The following GHRHR variants were observed in gnomAD, a reference collection of about 807,000 sequenced individuals.
GHRHR encodes the protein growth hormone releasing hormone receptor.
In GHRHR, 40 loss-of-function variants were observed where a neutral mutation model predicts 58.3. The ratio of observed to expected loss-of-function variants is 0.69; its 90% CI spans 0.53 to 0.89. The LOEUF is 0.89. GHRHR is among the 40% of genes least tolerant of loss of function. The pLI is 0.00. For synonymous variants in GHRHR, 249 were observed against 216.6 expected, an observed-to-expected ratio of 1.15 and a Z score of -1.31; for missense variants, 551 against 541.3, an observed-to-expected ratio of 1.02 and a Z score of -0.18.
At chr7:30,966,799 C>T (rs1792366218) in intron 1 of GHRHR, among the ~76,000 whole-genome samples, 1 of 152,188 alleles carries the variant, frequency 6.6e-6, no homozygotes, top group South Asian at 2.1e-4. Context: ...CGTGTCATCA[C>T]ACCCAGCTAA....
rs144372265 is a variant in GHRHR, at chr7:30,969,870, C to A, written c.272C>A (p.Ala91Asp). 6.2e-7 allele frequency: 1 copy of A among 1,613,514 alleles called. No individual in the cohort carries two copies. Among genetic ancestry groups the A allele is most frequent in the Non-Finnish European group, 8.5e-7 (1 of 1,179,424 alleles). The change falls in exon 4 of 13, where the codon GCT becomes GAT. Residue 91 changes from alanine to aspartate, a missense_variant. Ala to Asp is a moderately radical substitution (Grantham distance 126, BLOSUM62 -2). Transcript: ENST00000326139. The stretch of plus-strand genomic sequence containing the variant: ...GAGAGTCTTGCTTGCCTCCCAGGGG[C>A]TGTGAAACGGGATTGTACTATCACT... ...FFSHFSSESG[A>D]VKRDCTITGW...
intron 4 of GHRHR, 27 bp from the exon 5 acceptor site, chr7:30,971,092 A>C (rs1792472144): frequency 1.0e-6 from 1 of 1,004,312 alleles, no homozygotes; most frequent in South Asian, 1.4e-5. Context: ...AGAAGCTGAG[A>C]CTTTCTTCTG....
At chr7:30,972,180 C>T (rs1226613030) in intron 6 of GHRHR, 85 bp downstream of exon 6, 10 of 1,496,572 alleles carry the variant, frequency 6.7e-6, no homozygotes, top group Non-Finnish European at 6.4e-6. Flanking sequence ...GTCAGGCTTC[C>T]CTGCCCTGTG....
Position 30,969,122 on chromosome 7 carries a change from G to T in GHRHR, c.220G>T (p.Val74Phe), listed in dbSNP as rs1792426354. The T allele has an allele frequency of 6.3e-7, 1 of 1,578,650 alleles. No homozygotes were observed. Among genetic ancestry groups the T allele is most frequent in the South Asian group, 1.2e-5 (1 of 86,214 alleles). The change falls in exon 3 of 13, where the codon GTC becomes TTC. Residue 74 changes from valine to phenylalanine, a missense_variant. Coordinates refer to ENST00000326139, the MANE Select transcript of GHRHR (RefSeq NM_000823.4). ...CWPTAGSGEW[V>F]TLPCPDFFSH... ...GCCAACGGCAGGCTCTGGCGAGTGG[G>T]TCACCCTCCCCTGCCCGGATTTCTT...
chr7:30,979,210 G>A lies in GHRHR; in HGVS notation c.1238G>A (p.Arg413His), dbSNP rs781659959. The change falls in exon 13 of 13, where the codon CGC (arginine) becomes CAC (histidine). Residue 413 changes from arginine to histidine, a missense_variant. Arg to His is a conservative substitution (Grantham distance 29). Transcript: ENST00000326139. ...RTRAKWTTPS[R>H]SAAKVLTSMC ...CGTGCTAAGTGGACCACGCCTTCCC[G>A]CTCGGCGGCAAAGGTGCTGACATCT... The A allele has an allele frequency of 1.5e-5, 24 of 1,613,868 alleles. No homozygotes were observed. In the East Asian group the frequency reaches 1.8e-4, roughly 12 times the overall value.
At chr7:30,979,033 G>A in intron 12 of GHRHR, 86 bp from the exon 13 acceptor site, 2 of 1,278,712 alleles carry the variant, frequency 1.6e-6, no homozygotes, top group South Asian at 2.4e-5. Context: ...CTCTTACACG[G>A]CCTCTCCCTG....
chr7:30,974,483 A>G lies in GHRHR; in HGVS notation c.806A>G (p.Asp269Gly). 6.2e-7 allele frequency: 1 copy of G among 1,611,082 alleles called. No homozygotes were observed. Among genetic ancestry groups the G allele is most frequent in the African/African-American group, 1.3e-5 (1 of 74,958 alleles). ...TWVSCKLAFE[D>G]IACWDLDDTS... ...GTGAGCTGCAAACTGGCCTTCGAGG[A>G]CATCGCGTGAGTCGGAGCGGCCACC... Residue 269 changes from aspartate (D) to glycine (G), a missense_variant, in exon 8 of 13, where the codon GAC (aspartate) becomes GGC (glycine). Transcript: ENST00000326139.
chr7:30,979,264 G>A lies in GHRHR; in HGVS notation c.*20G>A. The A allele has an allele frequency of 1.2e-6, 2 of 1,612,384 alleles. No individual in the cohort carries two copies. The highest frequency in any genetic ancestry group is 1.3e-5 in the African/African-American group (1 of 75,046). ...TGCTAGGCTGCCTCATCACGCCACT[G>A]GAGTCCACACTTGAATTTGGGCAGC... On this transcript the variant is annotated 3_prime_UTR_variant, in exon 13 of 13. Coordinates refer to ENST00000326139, the MANE Select transcript of GHRHR (RefSeq NM_000823.4).
chr7:30,969,205 G>A, intron 3 of GHRHR, 35 bp downstream of exon 3: 2 of 1,369,794 alleles, frequency 1.5e-6, no homozygotes, highest in Non-Finnish European at 2.0e-6. Flanking sequence ...GGGAAAGGGA[G>A]GTGCTTTCAT....
At chr7:30,977,487 C>T (rs758930349) in intron 12 of GHRHR, among the ~76,000 whole-genome samples, 165 bp downstream of exon 12, 1 of 152,176 alleles carries the variant, frequency 6.6e-6, no homozygotes, top group African/African-American at 2.4e-5. Flanking sequence ...CAAGCTGAAC[C>T]GGAATGTTTC....
intron 10 of GHRHR, 37 bp from the exon 11 acceptor site, chr7:30,976,392 C>A (rs1346690117): frequency 8.7e-6 from 14 of 1,603,412 alleles, no homozygotes; most frequent in African/African-American, 5.4e-5. Context: ...AGTTTCTAAT[C>A]CCAGTCTTGG....
chr7:30,975,847 TC>T lies in GHRHR; in HGVS notation c.955del (p.His319IlefsTer16). 1 of 1,603,236 alleles carries T rather than the reference TC, an allele frequency of 6.2e-7. No homozygotes were observed. Among genetic ancestry groups the T allele is most frequent in the South Asian group, 1.1e-5 (1 of 90,860 alleles). ...VRKLEPAQGS[L>X]HTQSQYWRLS... is the part of the protein sequence containing the mutation. ...AAACTGGAGCCAGCTCAGGGCAGCCTCCATACCCAGTCTCAGTATTGGTACT... is the reference window on the plus strand; with the variant it reads ...AAACTGGAGCCAGCTCAGGGCAGCCTCATACCCAGTCTCAGTATTGGTACT... On this transcript the variant is annotated frameshift_variant, in exon 10 of 13. Transcript: ENST00000326139. LOFTEE classifies it high-confidence loss of function.
In GHRHR at chr7:30,969,938, G is replaced by C. The variant is rs200504469; in HGVS notation, c.340G>C (p.Val114Leu). The C allele has an allele frequency of 4.2e-6, 6 of 1,437,486 alleles. No individual in the cohort carries two copies. The Admixed American group carries it at 5.0e-5, about 12-fold the overall frequency. 89.0% of individuals were successfully genotyped at this position (1,437,486 alleles called of 1,614,324 possible). A position where few individuals can be genotyped will look rare whatever the true frequency, so the allele number is the denominator to read the frequency against. Residue 114 changes from valine to leucine, a missense_variant, in exon 4 of 13, where the codon GTG (valine) becomes CTG (leucine). Coordinates refer to ENST00000326139, the MANE Select transcript of GHRHR (RefSeq NM_000823.4). ...PFPPYPVACP[V>L]PLELLAEEES... ...TCCACCTTACCCTGTGGCCTGCCCTGTGCCTCTGGAGCTGCTGGCTGAGGA... is the reference window on the plus strand; with the variant it reads ...TCCACCTTACCCTGTGGCCTGCCCTCTGCCTCTGGAGCTGCTGGCTGAGGA...
At position 30,964,011 on chromosome 7, in the gene GHRHR, G is replaced by A; in HGVS notation, c.-58G>A. 12 of 1,458,556 alleles carry A rather than the reference G, an allele frequency of 8.2e-6. No individual in the cohort carries two copies. The highest frequency in any genetic ancestry group is 1.1e-5 in the Non-Finnish European group (12 of 1,063,668). 90.4% of individuals were successfully genotyped at this position (1,458,556 alleles called of 1,614,324 possible). A position where few individuals can be genotyped will look rare whatever the true frequency, so the allele number is the denominator to read the frequency against. Reference sequence around the variant, plus strand: ...ACGGCTGTGTCAGGGGACAGCAGGGGAAGGAAGATAGCCAAGGCTTACTGA... The same window carrying A: ...ACGGCTGTGTCAGGGGACAGCAGGGAAAGGAAGATAGCCAAGGCTTACTGA... On this transcript the variant is annotated 5_prime_UTR_variant, in exon 1 of 13. Coordinates refer to ENST00000326139, the MANE Select transcript of GHRHR (RefSeq NM_000823.4).
intron 6 of GHRHR, among the ~76,000 whole-genome samples, chr7:30,972,329 C>A (rs551908229): frequency 2.0e-5 from 3 of 152,198 alleles, no homozygotes; most frequent in Non-Finnish European, 4.4e-5. Context: ...CTCTACTCCG[C>A]GTTCTGTAGT....
chr7:30,976,428 G>A lies in GHRHR; in HGVS notation c.975-1G>A, dbSNP rs1792585304. On this transcript the variant is annotated splice_acceptor_variant, in intron 10 of 12. Transcript: ENST00000326139. LOFTEE classifies it high-confidence loss of function. Reference sequence around the variant, plus strand: ...GAGCCTAGGATTTGTCTTTCCTGCAGGCGTCTCTCCAAGTCGACACTTTTC... The same window carrying A: ...GAGCCTAGGATTTGTCTTTCCTGCAAGCGTCTCTCCAAGTCGACACTTTTC... 1 of 1,613,240 alleles carries A rather than the reference G, an allele frequency of 6.2e-7. No individual in the cohort carries two copies. The highest frequency in any genetic ancestry group is 8.5e-7 in the Non-Finnish European group (1 of 1,179,560).
Position 30,974,082 on chromosome 7 carries a change from C to T in GHRHR, c.695C>T (p.Ala232Val). 1 of 1,614,100 alleles carries T rather than the reference C, an allele frequency of 6.2e-7. No homozygotes were observed. Among genetic ancestry groups the T allele is most frequent in the African/African-American group, 1.3e-5 (1 of 75,020 alleles). Residue 232 changes from alanine (A) to valine (V), a missense_variant, in exon 7 of 13, where the codon GCC becomes GTC. Transcript: ENST00000326139. ...GCCGTCTACCTGAACTGCCTCCTGG[C>T]CTCCACCTCCCCCAGCTCAAGGAGA... ...AEAVYLNCLL[A>V]STSPSSRRAF...
At chr7:30,975,890 G>A in intron 10 of GHRHR, 22 bp downstream of exon 10, 1 of 1,362,490 alleles carries the variant, frequency 7.3e-7, no homozygotes, top group South Asian at 1.2e-5. Context: ...TTGTGTCTGG[G>A]GATACTGGGA....
At chr7:30,976,290 A>G in intron 10 of GHRHR, 139 bp from the exon 11 acceptor site, 1 of 771,488 alleles carries the variant, frequency 1.3e-6, no homozygotes, top group Non-Finnish European at 2.3e-6. Context: ...GCCCAGAGTG[A>G]TTGTGGGGAG....
Sources: gnomAD v4.1 joint callset for allele counts (sites outside exome capture counted in the v4.1 genomes callset) on GRCh38, gnomAD v4.1.1 for gene constraint, MANE v1.5 for transcripts, NCBI Gene and HGNC (gene_info 2026-07-23, HGNC 2026-07-21) for gene names.